F7: variants seen among roughly 807,000 people sequenced by gnomAD.
F7 encodes coagulation factor VII.
Under a neutral mutation model 47.5 loss-of-function variants are expected in F7, and 38 were observed. The ratio of observed to expected loss-of-function variants is 0.80; its 90% CI spans 0.62 to 1.05. The LOEUF (loss-of-function observed/expected upper bound fraction) is 1.05, where lower values mean the gene tolerates loss of function less well. Ranked by LOEUF, F7 falls within the 50% of genes least tolerant of loss-of-function variation. F7 has a pLI of 0.00. For missense variants in F7, 575 were observed against 605.4 expected, an observed-to-expected ratio of 0.95 and a Z score of 0.53; for synonymous variants, 244 against 258.5, an observed-to-expected ratio of 0.94 and a Z score of 0.54.
chr13:113,107,317 G>A (rs2035983630), intron 1 of F7, among the ~76,000 whole-genome samples: 1 of 107,208 alleles, frequency 9.3e-6, no homozygotes, highest in Non-Finnish European at 2.0e-5. Context: ...GGGCGTGGGT[G>A]TCCCGGGAGT....
Position 113,113,625 on chromosome 13 carries a change from T to C in F7, c.226-127T>C. ...CCTCAGCTCCAGAGGAAAGTCTGGC[T>C]TCCTGAGCCCACCCCGCCAGACCCA... On this transcript the variant is annotated intron_variant, in intron 2 of 7. Transcript: ENST00000346342. This position sits in a 1 kb window ranked among gnomAD's most constrained non-coding sequence, Gnocchi z 4.1. 1.1e-6 allele frequency: 1 copy of C among 948,002 alleles called. No individual in the cohort carries two copies. Among genetic ancestry groups the C allele is most frequent in the East Asian group, 2.4e-5 (1 of 41,884 alleles). 58.7% of individuals were successfully genotyped at this position (948,002 alleles called of 1,614,324 possible). A position where few individuals can be genotyped will look rare whatever the true frequency, so the allele number is the denominator to read the frequency against.
intron 2 of F7, among the ~76,000 whole-genome samples, chr13:113,112,873 G>A (rs2036130035): frequency 7.0e-6 from 1 of 142,250 alleles, no homozygotes; most frequent in Non-Finnish European, 1.5e-5. Context: ...CCTCACACAG[G>A]GCACACTTCA....
intron 1 of F7, chr13:113,110,341 G>T: frequency 7.9e-6 from 2 of 254,366 alleles, no homozygotes; most frequent in Non-Finnish European, 1.5e-5. Context: ...GGGGTTGCCC[G>T]GCACCCGGGG....
At chr13:113,111,525 ACACT>A (rs1414468969) in intron 2 of F7, among the ~76,000 whole-genome samples, 1 of 29,564 alleles carries the variant, frequency 3.4e-5, no homozygotes, top group Non-Finnish European at 6.8e-5. Flanking sequence ...AGGTCACCTC[ACACT>A]CACAGGACAC....
chr13:113,113,945 C>T lies in F7; in HGVS notation c.349C>T (p.Arg117Trp), dbSNP rs776796178. The T allele has an allele frequency of 6.2e-6, 10 of 1,614,008 alleles. No individual in the cohort carries two copies. The highest frequency in any genetic ancestry group is 2.2e-5 in the South Asian group (2 of 91,086). Residue 117 changes from arginine (R) to tryptophan (W), a missense_variant, in exon 4 of 8, where the codon CGG (arginine) becomes TGG (tryptophan). Coordinates refer to ENST00000346342, the MANE Select transcript of F7 (RefSeq NM_019616.4). This position sits in a 1 kb window ranked among gnomAD's most constrained non-coding sequence, Gnocchi z 4.1. ...CTTCTGCCTCCCTGCCTTCGAGGGC[C>T]GGAACTGTGAGACGCGTAAGGCCCC... Reference protein sequence around the residue: ...ICFCLPAFEGRNCETHKDDQL... With the variant: ...ICFCLPAFEGWNCETHKDDQL...
intron 2 of F7, among the ~76,000 whole-genome samples, chr13:113,112,447 A>G (rs965547045): frequency 2.1e-5 from 3 of 142,994 alleles, no homozygotes; most frequent in Non-Finnish European, 4.6e-5. Context: ...AGATCACTTC[A>G]TTCTCACAGG....
intron 2 of F7, 36 bp downstream of exon 2, chr13:113,110,886 A>C: frequency 1.3e-6 from 2 of 1,546,206 alleles, no homozygotes; most frequent in African/African-American, 1.4e-5. Context: ...CGCCGCGGAC[A>C]CTGCAGGCGG....
At position 113,118,786 on chromosome 13, in the gene F7, G is replaced by A. The variant is rs777093060; in HGVS notation, c.1113G>A (p.Ser371=). The A allele has an allele frequency of 4.6e-5, 74 of 1,613,038 alleles. No homozygotes were observed. The highest frequency in any genetic ancestry group is 1.3e-4 in the South Asian group (12 of 91,080). The part of the protein sequence containing the change: ...ITEYMFCAGY[S]DGSKDSCKGD... ...AGTACATGTTCTGTGCCGGCTACTC[G>A]GATGGCAGCAAGGACTCCTGCAAGG... The change falls in exon 8 of 8, where the codon TCG becomes TCA. Residue 371 remains serine, a synonymous_variant. Coordinates refer to ENST00000346342, the MANE Select transcript of F7 (RefSeq NM_019616.4).
At chr13:113,110,477 G>A in intron 1 of F7, 1 of 580,468 alleles carries the variant, frequency 1.7e-6, no homozygotes, top group Admixed American at 3.6e-5. Flanking sequence ...GCCCCCGGAA[G>A]CAGAGAGGCC....
chr13:113,119,122 GAGA>G lies in F7; in HGVS notation c.*115_*117del, dbSNP rs1484743324. 4 of 535,586 alleles carry G rather than the reference GAGA, an allele frequency of 7.5e-6. No homozygotes were observed. In the African/African-American group the frequency reaches 7.8e-5, roughly 10 times the overall value. The allele number at this position is 535,586 out of a possible 1,614,324, so 33.2% of individuals were successfully genotyped here. ...GGTAGAGGAGGGCATGGGAGGGAGG[GAGA>G]GGTGGGGAGGGAGACAGAGACAGAA... On this transcript the variant is annotated 3_prime_UTR_variant, in exon 8 of 8. Coordinates refer to ENST00000346342, the MANE Select transcript of F7 (RefSeq NM_019616.4).
rs141219108 is a variant in F7, at chr13:113,116,793, T to G, written c.533T>G (p.Ile178Ser). 3.3e-4 allele frequency: 536 copies of G among 1,613,892 alleles called. 4 individuals carry two copies. The African/African-American group carries it at 6.5e-3, about 20-fold the overall frequency. Residue 178 changes from isoleucine to serine, a missense_variant, in exon 6 of 8, where the codon ATT becomes AGT. Ile to Ser is a moderately radical substitution (Grantham distance 142). Transcript: ENST00000346342. The stretch of plus-strand genomic sequence containing the variant: ...GAATATCCATGTGGAAAAATACCTA[T>G]TCTAGAAAAAAGAAATGCCAGCAAA... ...TVEYPCGKIP[I>S]LEKRNASKPQ...
In F7 at chr13:113,115,653, T is replaced by C; in HGVS notation, c.365-7T>C. ...CCCCTCTCAGGGTGTCCCCTTCCTG[T>C]CCCCAGACAAGGATGACCAGCTGAT... On this transcript the variant is annotated splice_region_variant and splice_polypyrimidine_tract_variant and intron_variant, in intron 4 of 7. Coordinates refer to ENST00000346342, the MANE Select transcript of F7 (RefSeq NM_019616.4). 4 of 1,612,432 alleles carry C rather than the reference T, an allele frequency of 2.5e-6. No individual in the cohort carries two copies. The highest frequency in any genetic ancestry group is 3.4e-6 in the Non-Finnish European group (4 of 1,179,744).
intron 2 of F7, among the ~76,000 whole-genome samples, chr13:113,111,256 C>T (rs2036088448): frequency 6.6e-6 from 1 of 152,190 alleles, no homozygotes; most frequent in Non-Finnish European, 1.5e-5. Flanking sequence ...CCACCAGCGG[C>T]ACCTCCTCAG....
At chr13:113,106,686 C>T (rs1369403011) in intron 1 of F7, among the ~76,000 whole-genome samples, 3 of 45,452 alleles carry the variant, frequency 6.6e-5, no homozygotes, top group East Asian at 7.1e-4. Flanking sequence ...ATGGGGATGG[C>T]GAGTAGGGGG....
In F7 at chr13:113,118,897, C is replaced by T. The variant is rs2036249454; in HGVS notation, c.1224C>T (p.Thr408=). ...TCAGCTGGGGCCAGGGCTGCGCAACCGTGGGCCACTTTGGGGTGTACACCA... is the reference window on the plus strand; with the variant it reads ...TCAGCTGGGGCCAGGGCTGCGCAACTGTGGGCCACTTTGGGGTGTACACCA... ...GIVSWGQGCA[T]VGHFGVYTRV... is the part of the protein sequence containing the mutation. The change falls in exon 8 of 8, where the codon ACC becomes ACT. Residue 408 remains threonine (T), a synonymous_variant. Coordinates refer to ENST00000346342, the MANE Select transcript of F7 (RefSeq NM_019616.4). 7 of 1,612,504 alleles carry T rather than the reference C, an allele frequency of 4.3e-6. No homozygotes were observed. The highest frequency in any genetic ancestry group is 5.9e-6 in the Non-Finnish European group (7 of 1,179,818).
At chr13:113,111,651 T>C (rs1362827010) in intron 2 of F7, among the ~76,000 whole-genome samples, 5 of 93,594 alleles carry the variant, frequency 5.3e-5, no homozygotes, top group African/African-American at 8.5e-5. Context: ...CACCTCACAC[T>C]CACAGGACAC....
At position 113,113,725 on chromosome 13, in the gene F7, A is replaced by G. The variant is rs1226553064; in HGVS notation, c.226-27A>G. 1.9e-6 allele frequency: 3 copies of G among 1,611,568 alleles called. No individual in the cohort carries two copies. The highest frequency in any genetic ancestry group is 2.7e-5 in the African/African-American group (2 of 74,870). ...GGGTGCTCTGGTGAAGGTGCATCTCACGAGGCTTGCTCTCTTGTTCCTTCA... is the reference window on the plus strand; with the variant it reads ...GGGTGCTCTGGTGAAGGTGCATCTCGCGAGGCTTGCTCTCTTGTTCCTTCA... On this transcript the variant is annotated intron_variant, in intron 2 of 7. Transcript: ENST00000346342. The surrounding 1 kb of genome is among the most constrained non-coding windows in gnomAD (Gnocchi z 4.1).
rs1179314207 is a variant in F7, at chr13:113,116,885, C to T, written c.615+10C>T. On this transcript the variant is annotated intron_variant, in intron 6 of 7. Transcript: ENST00000346342. ...GGAGTGTCCATGGCAGGTAAGGCTT[C>T]CCCTGGCTTCAGGATTCCAAGCCCT... 6.2e-7 allele frequency: 1 copy of T among 1,601,254 alleles called. No homozygotes were observed. The highest frequency in any genetic ancestry group is 1.7e-5 in the Admixed American group (1 of 60,024).
chr13:113,117,540 C>A lies in F7; in HGVS notation c.683C>A (p.Ser228Tyr). Residue 228 changes from serine (S) to tyrosine (Y), a missense_variant, in exon 7 of 8, where the codon TCC becomes TAC. Physicochemically the swap from Ser to Tyr is moderately radical, Grantham distance 144. Coordinates refer to ENST00000346342, the MANE Select transcript of F7 (RefSeq NM_019616.4). ...GTLINTIWVV[S>Y]AAHCFDKIKN... is the part of the protein sequence containing the mutation. ...CTGATCAACACCATCTGGGTGGTCT[C>A]CGCGGCCCACTGTTTCGACAAAATC... The A allele has an allele frequency of 6.2e-7, 1 of 1,614,192 alleles. No individual in the cohort carries two copies. The highest frequency in any genetic ancestry group is 8.5e-7 in the Non-Finnish European group (1 of 1,180,026).
Sources: gnomAD v4.1 joint callset for allele counts (sites outside exome capture counted in the v4.1 genomes callset) on GRCh38, gnomAD v4.1.1 for gene constraint, Gnocchi (gnomAD v3.1) non-coding constraint, MANE v1.5 for transcripts, NCBI Gene and HGNC (gene_info 2026-07-23, HGNC 2026-07-21) for gene names.